The following CDK5RAP2 variants were observed in gnomAD, a reference collection of about 807,000 sequenced individuals.
The protein encoded by CDK5RAP2 is CDK5 regulatory subunit associated protein 2.
CDK5RAP2 carries 147 observed loss-of-function variants against 232.9 expected under a neutral mutation model. That is an observed-to-expected ratio of 0.63 (90% CI 0.55 to 0.72). The LOEUF is 0.72. Among genes scored for constraint, CDK5RAP2 ranks in the 30% least tolerant of loss-of-function variants. CDK5RAP2 has a pLI of 0.00. For synonymous variants in CDK5RAP2, 833 were observed against 833.7 expected, an observed-to-expected ratio of 1.00 and a Z score of 0.01; for missense variants, 2,195 against 2,231.5, an observed-to-expected ratio of 0.98 and a Z score of 0.33.
chr9:120,532,295 C>T (rs2041187587), intron 7 of CDK5RAP2, among the ~76,000 whole-genome samples: 2 of 152,196 alleles, frequency 1.3e-5, no homozygotes, highest in Non-Finnish European at 2.9e-5. Flanking sequence ...CATATTTGAT[C>T]TGCAGGACTT....
chr9:120,475,567 C>G (rs1298082675), intron 15 of CDK5RAP2, among the ~76,000 whole-genome samples: 2 of 152,120 alleles, frequency 1.3e-5, no homozygotes, highest in Non-Finnish European at 2.9e-5. Flanking sequence ...GACTCAACCC[C>G]CAGTGCCCCC....
At position 120,453,715 on chromosome 9, in the gene CDK5RAP2, G is replaced by A; in HGVS notation, c.2534C>T (p.Pro845Leu). ...HFVQTNSFSK[P>L]HDELKLSCEA... ...ACAAGACAACTTCAGTTCATCATGTGGCTTGGAAAATGAGTTGGTTTGGAC... is the reference window on the plus strand; with the variant it reads ...ACAAGACAACTTCAGTTCATCATGTAGCTTGGAAAATGAGTTGGTTTGGAC... Residue 845 changes from proline (P) to leucine (L), a missense_variant, in exon 21 of 38, where the codon CCA becomes CTA. Transcript: ENST00000349780. 1.9e-6 allele frequency: 3 copies of A among 1,614,226 alleles called. No homozygotes were observed. The highest frequency in any genetic ancestry group is 2.5e-6 in the Non-Finnish European group (3 of 1,180,044).
intron 13 of CDK5RAP2, among the ~76,000 whole-genome samples, chr9:120,490,237 C>T (rs1296573454): frequency 1.3e-5 from 2 of 152,186 alleles, no homozygotes; most frequent in Non-Finnish European, 2.9e-5. Context: ...CAGTGAGGTG[C>T]GCAGGTAGAG....
chr9:120,535,249 G>A (rs151268237), intron 7 of CDK5RAP2, among the ~76,000 whole-genome samples: 2,027 of 152,252 alleles, frequency 0.013, 15 homozygotes, highest in Non-Finnish European at 0.019. Context: ...GGAGGCATGG[G>A]CTCTCCCTCT....
intron 12 of CDK5RAP2, among the ~76,000 whole-genome samples, chr9:120,509,769 G>A (rs959623047): frequency 1.3e-5 from 2 of 152,218 alleles, no homozygotes; most frequent in Admixed American, 6.5e-5. Context: ...ATAAGAAATG[G>A]GCATACTATG....
intron 35 of CDK5RAP2, among the ~76,000 whole-genome samples, chr9:120,400,490 T>C (rs950807214): frequency 2.6e-5 from 4 of 152,256 alleles, no homozygotes; most frequent in Non-Finnish European, 4.4e-5. Context: ...CCCTGAGTCC[T>C]GGTTCCCTCA....
chr9:120,458,049 TGAGAA>T (rs1266914235), intron 20 of CDK5RAP2, among the ~76,000 whole-genome samples: 1 of 152,202 alleles, frequency 6.6e-6, no homozygotes, highest in East Asian at 1.9e-4. Context: ...ACAGATATAA[TGAGAA>T]GAGAACTTTA....
chr9:120,491,553 A>T, intron 12 of CDK5RAP2, 76 bp from the exon 13 acceptor site: 1 of 993,790 alleles, frequency 1.0e-6, no homozygotes, highest in South Asian at 1.3e-5. Flanking sequence ...TTGCTAAATT[A>T]CTGCTACAAG....
At chr9:120,431,164 A>G (rs1266798752) in intron 25 of CDK5RAP2, among the ~76,000 whole-genome samples, 1 of 152,182 alleles carries the variant, frequency 6.6e-6, no homozygotes, top group East Asian at 1.9e-4. Flanking sequence ...CTAATGCTAA[A>G]TGACGAGTTA....
intron 12 of CDK5RAP2, among the ~76,000 whole-genome samples, chr9:120,506,210 A>G (rs934626341): frequency 1.8e-4 from 28 of 152,124 alleles, no homozygotes; most frequent in African/African-American, 6.8e-4. Context: ...AATCTACTCT[A>G]TCTGTGCTCT....
intron 3 of CDK5RAP2, among the ~76,000 whole-genome samples, chr9:120,551,186 A>C (rs980371981): frequency 6.6e-5 from 10 of 152,228 alleles, no homozygotes; most frequent in African/African-American, 2.2e-4. Context: ...TAAGAAGAAA[A>C]GGAAAAGAAG....
At chr9:120,425,396 C>G (rs2034831052) in intron 25 of CDK5RAP2, among the ~76,000 whole-genome samples, 1 of 152,180 alleles carries the variant, frequency 6.6e-6, no homozygotes, top group African/African-American at 2.4e-5. Context: ...TCTGGCTATT[C>G]AAAAGCTTAG....
At chr9:120,425,521 T>G (rs778609974) in intron 25 of CDK5RAP2, among the ~76,000 whole-genome samples, 3 of 152,230 alleles carry the variant, frequency 2.0e-5, no homozygotes, top group Non-Finnish European at 4.4e-5. Flanking sequence ...AAAAAACATC[T>G]AGTTATCCCA....
At position 120,422,714 on chromosome 9, in the gene CDK5RAP2, G is replaced by A. The variant is rs2034640671; in HGVS notation, c.3983C>T (p.Thr1328Ile). Residue 1328 changes from threonine (T) to isoleucine (I), a missense_variant, in exon 26 of 38, where the codon ACC becomes ATC. By Grantham distance (89) the Thr-to-Ile change is moderately conservative. Transcript: ENST00000349780. ...NGKSVGVEMN[T>I]QNELMERIEE... is the part of the protein sequence containing the mutation. ...TCACCTCTCCATCAGTTCATTCTGG[G>A]TGTTCATTTCCACTCCAACTGATTT... The A allele has an allele frequency of 1.2e-6, 2 of 1,612,874 alleles. No homozygotes were observed. Among genetic ancestry groups the A allele is most frequent in the Non-Finnish European group, 1.7e-6 (2 of 1,179,002 alleles).
intron 25 of CDK5RAP2, among the ~76,000 whole-genome samples, chr9:120,430,118 G>T (rs530672670): frequency 6.3e-4 from 96 of 152,136 alleles, no homozygotes; most frequent in Non-Finnish European, 1.3e-3. Flanking sequence ...ATTCAAGATG[G>T]ATTAAAGACT....
chr9:120,411,511 T>A, intron 28 of CDK5RAP2, 37 bp from the exon 29 acceptor site: 1 of 1,112,504 alleles, frequency 9.0e-7, no homozygotes, highest in Non-Finnish European at 1.4e-6. Flanking sequence ...TTATAAACAG[T>A]CTCCAGATCA....
chr9:120,534,310 C>G (rs765364528), intron 7 of CDK5RAP2, among the ~76,000 whole-genome samples: 3 of 152,202 alleles, frequency 2.0e-5, no homozygotes, highest in Non-Finnish European at 2.9e-5. Flanking sequence ...TCGCACTGTT[C>G]CTTTACTTTC....
intron 24 of CDK5RAP2, among the ~76,000 whole-genome samples, chr9:120,438,484 G>A (rs1481363524): frequency 2.0e-5 from 3 of 152,212 alleles, no homozygotes; most frequent in African/African-American, 7.2e-5. Context: ...GGTAACTCAT[G>A]AGTAACATGA....
At chr9:120,528,350 G>T (rs771961080) in intron 9 of CDK5RAP2, among the ~76,000 whole-genome samples, 5 of 152,154 alleles carry the variant, frequency 3.3e-5, no homozygotes, top group Non-Finnish European at 5.9e-5. Context: ...CTCTCTTCCG[G>T]GCTGTTGTGA....
Sources: gnomAD v4.1 joint callset for allele counts (sites outside exome capture counted in the v4.1 genomes callset) on GRCh38, gnomAD v4.1.1 for gene constraint, MANE v1.5 for transcripts, NCBI Gene and HGNC (gene_info 2026-07-23, HGNC 2026-07-21) for gene names.